The following GSDME variants were observed in gnomAD, a reference collection of about 807,000 sequenced individuals.
The protein encoded by GSDME is gasdermin-E.
In GSDME, 44 loss-of-function variants were observed where a neutral mutation model predicts 47.5. That is an observed-to-expected ratio of 0.93 (90% CI 0.73 to 1.19). The LOEUF is 1.19. GSDME is among the 50% of genes most tolerant of loss of function. GSDME has a pLI of 0.00. For synonymous variants in GSDME, 258 were observed against 252.8 expected, an observed-to-expected ratio of 1.02 and a Z score of -0.20; for missense variants, 663 against 604.2, an observed-to-expected ratio of 1.10 and a Z score of -1.02.
Position 24,717,316 on chromosome 7 carries a change from G to A in GSDME, c.635C>T (p.Pro212Leu), listed in dbSNP as rs145754170. ...ACCGTAGGCAATGGTGGTGGCAGCT[G>A]GGATCTCCAGCACCACGTTGGAGTC... ...TKDSNVVLEI[P>L]AATTIAYGVI... Residue 212 changes from proline (P) to leucine (L), a missense_variant, in exon 5 of 10, where the codon CCA becomes CTA. By Grantham distance (98) the Pro-to-Leu change is moderately conservative. Coordinates refer to ENST00000645220, the MANE Select transcript of GSDME (RefSeq NM_001127453.2). 132 of 1,609,890 alleles carry A rather than the reference G, an allele frequency of 8.2e-5. No homozygotes were observed. Among genetic ancestry groups the A allele is most frequent in the Non-Finnish European group, 1.1e-4 (128 of 1,178,446 alleles).
the GSDME span, among the ~76,000 whole-genome samples, chr7:24,770,158 A>G: frequency 2.6e-5 from 4 of 152,198 alleles, no homozygotes; most frequent in Admixed American, 6.5e-5. This position sits in a 1 kb window ranked among gnomAD's most constrained non-coding sequence, Gnocchi z 4.6. Flanking sequence ...ATTGAATTCA[A>G]TCACCAATGG....
intron 3 of GSDME, among the ~76,000 whole-genome samples, chr7:24,743,827 T>A (rs545954282): frequency 1.3e-5 from 2 of 152,270 alleles, no homozygotes; most frequent in East Asian, 3.9e-4. Flanking sequence ...TAGCCCCCAT[T>A]CCTAGCACAT....
At chr7:24,729,861 G>A (rs1790087809) in intron 3 of GSDME, among the ~76,000 whole-genome samples, 2 of 152,204 alleles carry the variant, frequency 1.3e-5, no homozygotes, top group South Asian at 4.1e-4. Context: ...GATCCGACTG[G>A]CTACCCTGTG....
At chr7:24,761,686 A>T (rs1055764047), upstream of GSDME, among the ~76,000 whole-genome samples, 19 of 152,232 alleles carry the variant, frequency 1.2e-4, no homozygotes, top group African/African-American at 4.3e-4. The surrounding 1 kb of genome is among the most constrained non-coding windows in gnomAD (Gnocchi z 4.4). Context: ...AGGGTTATCA[A>T]CCAGAGCCCT....
At chr7:24,706,467 C>T (rs1789110784) in intron 7 of GSDME, 91 bp from the exon 8 acceptor site, 2 of 1,286,874 alleles carry the variant, frequency 1.6e-6, no homozygotes, top group South Asian at 2.7e-5. Context: ...CAAGCCCCAG[C>T]CCTTCCCACT....
chr7:24,712,973 G>A lies in GSDME; in HGVS notation c.698-2585C>T, dbSNP rs760233312. On this transcript the variant is annotated intron_variant, in intron 5 of 9. Coordinates refer to ENST00000645220, the MANE Select transcript of GSDME (RefSeq NM_001127453.2). The surrounding 1 kb of genome is among the most constrained non-coding windows in gnomAD (Gnocchi z 4.4). Reference sequence around the variant, plus strand: ...GCGGAGGTTGTGGTGAGCCAAGATCGCACCATTGTACTCCAGCCTGGGCAA... The same window carrying A: ...GCGGAGGTTGTGGTGAGCCAAGATCACACCATTGTACTCCAGCCTGGGCAA... Among the ~76,000 whole-genome samples the A allele has an allele frequency of 8.0e-5, 12 of 149,114 alleles. No homozygotes were observed. The highest frequency in any genetic ancestry group is 1.5e-4 in the Non-Finnish European group (10 of 67,700).
At position 24,744,788 on chromosome 7, in the gene GSDME, G is replaced by A. The variant is rs1790599632; in HGVS notation, c.212-34C>T. 4 of 1,609,908 alleles carry A rather than the reference G, an allele frequency of 2.5e-6. No homozygotes were observed. The East Asian group carries it at 8.9e-5, about 36-fold the overall frequency. Reference sequence around the variant, plus strand: ...GAGGAGACGAGCAGAGGAAGCCGATGATGATAAGGCCACCAAGATGTCTTG... The same window carrying A: ...GAGGAGACGAGCAGAGGAAGCCGATAATGATAAGGCCACCAAGATGTCTTG... On this transcript the variant is annotated intron_variant, in intron 2 of 9. Transcript: ENST00000645220. The surrounding 1 kb of genome is among the most constrained non-coding windows in gnomAD (Gnocchi z 4.5).
At chr7:24,746,307 TAA>T (rs969612205) in intron 2 of GSDME, among the ~76,000 whole-genome samples, 1 of 152,174 alleles carries the variant, frequency 6.6e-6, no homozygotes, top group Admixed American at 6.5e-5. Flanking sequence ...AGAGCAGAGA[TAA>T]AGAGGTTAGG....
chr7:24,780,954 TACCCAGGTG>T, the GSDME span, among the ~76,000 whole-genome samples: 1 of 152,218 alleles, frequency 6.6e-6, no homozygotes, highest in African/African-American at 2.4e-5. This position sits in a 1 kb window ranked among gnomAD's most constrained non-coding sequence, Gnocchi z 4.1. Flanking sequence ...TTTTAACATG[TACCCAGGTG>T]ACCTTGACGC....
chr7:24,771,797 A>C, the GSDME span, among the ~76,000 whole-genome samples: 3 of 152,138 alleles, frequency 2.0e-5, no homozygotes, highest in Non-Finnish European at 4.4e-5. This position sits in a 1 kb window ranked among gnomAD's most constrained non-coding sequence, Gnocchi z 4.1. Flanking sequence ...AACCTTTCTA[A>C]AGAAAGGAAA....
chr7:24,707,505 C>T (rs547513863), intron 7 of GSDME: 14 of 457,380 alleles, frequency 3.1e-5, no homozygotes, highest in South Asian at 8.0e-5. Context: ...TTCCACCACA[C>T]GACCCCCTTG....
Position 24,749,630 on chromosome 7 carries a change from G to T in GSDME, c.145C>A (p.Pro49Thr), listed in dbSNP as rs753257338. Residue 49 changes from proline (P) to threonine (T), a missense_variant, in exon 2 of 10, where the codon CCC (proline) becomes ACC (threonine). Coordinates refer to ENST00000645220, the MANE Select transcript of GSDME (RefSeq NM_001127453.2). ...GTGAGGGATAAAAACTGGTACTTGG[G>T]TCTCTGCCAGCACCAGAATCTCTTC... ...KKKRFWCWQRPKYQFLSLTLG... is the reference protein window; with the variant it reads ...KKKRFWCWQRTKYQFLSLTLG... 1 of 1,614,026 alleles carries T rather than the reference G, an allele frequency of 6.2e-7. No homozygotes were observed. Among genetic ancestry groups the T allele is most frequent in the Non-Finnish European group, 8.5e-7 (1 of 1,180,012 alleles).
chr7:24,770,756 A>G, the GSDME span, among the ~76,000 whole-genome samples: 1 of 152,218 alleles, frequency 6.6e-6, no homozygotes, highest in Admixed American at 6.5e-5. The surrounding 1 kb of genome is among the most constrained non-coding windows in gnomAD (Gnocchi z 4.6). Flanking sequence ...ACAGAAATAA[A>G]GAATGCCTTT....
chr7:24,711,639 A>AC (rs1789357498), intron 5 of GSDME, among the ~76,000 whole-genome samples: 2 of 152,034 alleles, frequency 1.3e-5, no homozygotes, highest in South Asian at 4.2e-4. Flanking sequence ...ACATAGTGAG[A>AC]CCCCGTCTCT....
chr7:24,779,053 T>G, the GSDME span, among the ~76,000 whole-genome samples: 3 of 152,130 alleles, frequency 2.0e-5, no homozygotes, highest in Non-Finnish European at 4.4e-5. The surrounding 1 kb of genome is among the most constrained non-coding windows in gnomAD (Gnocchi z 6.0). Flanking sequence ...CTGGAGCTCA[T>G]CCCATGACCC....
rs1032962717 is a variant in GSDME, at chr7:24,744,284, T to C, written c.404+278A>G. ...ATGCAGGACAGAGCATTTTTACCGTTCGCATTTTATAAATCATGTGATTGA... is the reference window on the plus strand; with the variant it reads ...ATGCAGGACAGAGCATTTTTACCGTCCGCATTTTATAAATCATGTGATTGA... On this transcript the variant is annotated intron_variant, in intron 3 of 9. Coordinates refer to ENST00000645220, the MANE Select transcript of GSDME (RefSeq NM_001127453.2). The surrounding 1 kb of genome is among the most constrained non-coding windows in gnomAD (Gnocchi z 4.5). 18 of 469,650 alleles carry C rather than the reference T, an allele frequency of 3.8e-5. No individual in the cohort carries two copies. The Middle Eastern group carries it at 1.8e-3, about 48-fold the overall frequency. The allele number at this position is 469,650 out of a possible 1,614,324, so 29.1% of individuals were successfully genotyped here.
At chr7:24,780,492 T>C in the GSDME span, among the ~76,000 whole-genome samples, 7 of 152,190 alleles carry the variant, frequency 4.6e-5, no homozygotes, top group African/African-American at 1.7e-4. The surrounding 1 kb of genome is among the most constrained non-coding windows in gnomAD (Gnocchi z 4.1). Flanking sequence ...TTTCTGCCCT[T>C]CTCTGTTGGT....
intron 7 of GSDME, among the ~76,000 whole-genome samples, chr7:24,707,058 C>A (rs1789140780): frequency 6.6e-6 from 1 of 152,202 alleles, no homozygotes; most frequent in South Asian, 2.1e-4. Context: ...ACACTGTTCT[C>A]CCTGGAGCTG....
chr7:24,746,561 T>C (rs944119209), intron 2 of GSDME, among the ~76,000 whole-genome samples: 4 of 152,202 alleles, frequency 2.6e-5, no homozygotes, highest in African/African-American at 4.8e-5. Context: ...TCCTAGGTTC[T>C]ACAAAGTACA....
Sources: gnomAD v4.1 joint callset for allele counts (sites outside exome capture counted in the v4.1 genomes callset) on GRCh38, gnomAD v4.1.1 for gene constraint, Gnocchi (gnomAD v3.1) non-coding constraint, MANE v1.5 for transcripts, NCBI Gene and HGNC (gene_info 2026-07-23, HGNC 2026-07-21) for gene names.